The following ZNRF1 variants were observed in gnomAD, a reference collection of about 807,000 sequenced individuals.
ZNRF1 encodes E3 ubiquitin-protein ligase ZNRF1.
A neutral mutation model predicts 18.4 loss-of-function variants in ZNRF1; 3 were observed. The ratio of observed to expected loss-of-function variants is 0.16; its 90% CI spans 0.07 to 0.42. The LOEUF (loss-of-function observed/expected upper bound fraction) is 0.42, where lower values mean the gene tolerates loss of function less well. ZNRF1 is among the 10% of genes least tolerant of loss of function. ZNRF1 has a pLI of 0.99. For missense variants in ZNRF1, 310 were observed against 329.8 expected, an observed-to-expected ratio of 0.94 and a Z score of 0.47; for synonymous variants, 157 against 144.2, an observed-to-expected ratio of 1.09 and a Z score of -0.64.
intron 2 of ZNRF1, chr16:75,095,666 G>C (rs773171768): frequency 1.3e-6 from 2 of 1,550,024 alleles, no homozygotes; most frequent in African/African-American, 2.7e-5. Flanking sequence ...AACTTTGCAA[G>C]AGCAGCCGTG....
chr16:75,028,151 T>A (rs1214355459), intron 1 of ZNRF1, among the ~76,000 whole-genome samples: 1 of 152,222 alleles, frequency 6.6e-6, no homozygotes. Context: ...CTCTGCTCTC[T>A]GCTAAATATT....
intron 2 of ZNRF1, among the ~76,000 whole-genome samples, chr16:75,102,729 G>A (rs1280289318): frequency 6.6e-6 from 1 of 152,036 alleles, no homozygotes; most frequent in Non-Finnish European, 1.5e-5. Context: ...TCAGCTCTAG[G>A]CTTCAGCAGC....
At chr16:75,048,475 A>G (rs141982589) in intron 1 of ZNRF1, among the ~76,000 whole-genome samples, 124 of 152,338 alleles carry the variant, frequency 8.1e-4, no homozygotes, top group African/African-American at 3.0e-3. Context: ...GAATTAAAGC[A>G]GTGAAAGTGG....
chr16:75,008,747 A>C (rs903581250), intron 1 of ZNRF1, among the ~76,000 whole-genome samples: 2 of 152,180 alleles, frequency 1.3e-5, no homozygotes, highest in East Asian at 3.8e-4. Context: ...TCACTCCTTA[A>C]GAGTCTGAAT....
chr16:75,083,791 C>T (rs1449366412), intron 1 of ZNRF1, among the ~76,000 whole-genome samples: 3 of 152,026 alleles, frequency 2.0e-5, no homozygotes, highest in Admixed American at 1.3e-4. Context: ...AGAAAATGCA[C>T]AGAGAAGTTA....
intron 1 of ZNRF1, among the ~76,000 whole-genome samples, chr16:75,040,598 G>GTTTTTTTTTTTTTTTTTT (rs61513153): frequency 4.3e-5 from 2 of 46,354 alleles, no homozygotes; most frequent in Admixed American, 3.8e-4. Flanking sequence ...TTTTTTGTGG[G>GTTTTTTTTTTTTTTTTTT]TTTTTTTTTT....
At chr16:75,055,869 A>G (rs933980151) in intron 1 of ZNRF1, among the ~76,000 whole-genome samples, 1 of 152,220 alleles carries the variant, frequency 6.6e-6, no homozygotes, top group African/African-American at 2.4e-5. Flanking sequence ...AACTGGGCAC[A>G]TCCTTGAAGG....
chr16:75,108,834 G>A lies in ZNRF1; in HGVS notation c.*1134G>A. 1 of 331,402 alleles carries A rather than the reference G, an allele frequency of 3.0e-6. No individual in the cohort carries two copies. Among genetic ancestry groups the A allele is most frequent in the Non-Finnish European group, 5.4e-6 (1 of 186,014 alleles). 20.5% of individuals were successfully genotyped at this position (331,402 alleles called of 1,614,324 possible). ...CAGGCTGCTACTCGGGGCTCCAGGT[G>A]TGTGAATTGGTCCTCAGATAGTCAG... On this transcript the variant is annotated 3_prime_UTR_variant, in exon 5 of 5. Coordinates refer to ENST00000335325, the MANE Select transcript of ZNRF1 (RefSeq NM_032268.5).
rs1227533687 is a variant in ZNRF1 at position 75,046,229 on chromosome 16, C to T, written c.424+46134C>T. On this transcript the variant is annotated intron_variant, in intron 1 of 4. Coordinates refer to ENST00000335325, the MANE Select transcript of ZNRF1 (RefSeq NM_032268.5). The stretch of plus-strand genomic sequence containing the variant: ...GCCAAATGTTTGCATTTATATAGGC[C>T]TCAATGAGTTGGGTGTTTCATTTTG... Among the ~76,000 whole-genome samples, 5 of 149,718 alleles carry T rather than the reference C, an allele frequency of 3.3e-5. No homozygotes were observed. The East Asian group carries it at 1.0e-3, about 31-fold the overall frequency.
At chr16:75,093,461 A>ATCC (rs2036164206) in intron 1 of ZNRF1, 111 bp from the exon 2 acceptor site, 1 of 784,516 alleles carries the variant, frequency 1.3e-6, no homozygotes, top group Non-Finnish European at 2.2e-6. Context: ...TCTGATGGTC[A>ATCC]TCCTCCACAT....
chr16:75,017,056 A>AT (rs756421914), intron 1 of ZNRF1, among the ~76,000 whole-genome samples: 12 of 152,174 alleles, frequency 7.9e-5, no homozygotes, highest in Admixed American at 6.5e-4. Context: ...GGGCAGTTTC[A>AT]TTTTTTTCCC....
intron 1 of ZNRF1, among the ~76,000 whole-genome samples, chr16:75,026,368 A>G (rs1253883841): frequency 6.6e-6 from 1 of 152,148 alleles, no homozygotes; most frequent in Non-Finnish European, 1.5e-5. Flanking sequence ...AGTTGAACCC[A>G]TTACCCAACA....
At chr16:75,065,735 G>A (rs2035794891) in intron 1 of ZNRF1, among the ~76,000 whole-genome samples, 2 of 152,134 alleles carry the variant, frequency 1.3e-5, no homozygotes, top group African/African-American at 4.8e-5. Flanking sequence ...CATTCTTCGT[G>A]TCTATAACTT....
chr16:75,087,468 A>C (rs987299386), intron 1 of ZNRF1, among the ~76,000 whole-genome samples: 1 of 152,136 alleles, frequency 6.6e-6, no homozygotes, highest in African/African-American at 2.4e-5. Flanking sequence ...GGCTGATCCA[A>C]CTCTCTGCTC....
At chr16:75,022,653 C>T (rs2035168889) in intron 1 of ZNRF1, among the ~76,000 whole-genome samples, 1 of 151,974 alleles carries the variant, frequency 6.6e-6, no homozygotes, top group African/African-American at 2.4e-5. Flanking sequence ...AATTTAAATT[C>T]CATTTCTGAG....
rs529485573 is a variant in ZNRF1, at chr16:75,088,274, G to A, written c.425-5298G>A. Among the ~76,000 whole-genome samples the A allele has an allele frequency of 6.6e-5, 10 of 152,320 alleles. No individual in the cohort carries two copies. The East Asian group carries it at 1.5e-3, about 23-fold the overall frequency. On this transcript the variant is annotated intron_variant, in intron 1 of 4. Transcript: ENST00000335325. The stretch of plus-strand genomic sequence containing the variant: ...CATCGGATGACATTTCAGGAAAGAA[G>A]CTGGGGATATTAGTCTTTTCTAGCT...
intron 1 of ZNRF1, among the ~76,000 whole-genome samples, chr16:75,064,548 T>C (rs1384319518): frequency 6.9e-6 from 1 of 145,074 alleles, no homozygotes; most frequent in Non-Finnish European, 1.5e-5. Context: ...AGAGTGAGAC[T>C]CAGTCTCCGA....
chr16:75,013,882 G>T (rs1036205793), intron 1 of ZNRF1, among the ~76,000 whole-genome samples: 1 of 150,792 alleles, frequency 6.6e-6, no homozygotes, highest in Non-Finnish European at 1.5e-5. Flanking sequence ...CAGGCTAGGG[G>T]GCAGTGGTGT....
rs1005730925 is a variant in ZNRF1, at chr16:75,010,986, G to A, written c.424+10891G>A. 3.5e-4 allele frequency among the ~76,000 whole-genome samples: 53 copies of A among 152,210 alleles called. 1 individual carries two copies. The highest frequency in any genetic ancestry group is 2.0e-4 in the Admixed American group (3 of 15,286). ...GGCCTCCCAGAGTGCTGGGATTGCA[G>A]GCGTGAGCCACCATGCCCAGCTGGG... is the stretch of plus-strand genomic sequence containing the variant. On this transcript the variant is annotated intron_variant, in intron 1 of 4. Transcript: ENST00000335325.
Sources: allele counts gnomAD v4.1 joint callset (sites outside exome capture counted in the v4.1 genomes callset), GRCh38; gene constraint gnomAD v4.1.1; transcripts MANE v1.5; gene names NCBI Gene and HGNC (gene_info 2026-07-23, HGNC 2026-07-21).